Variants in EPM2A observed in about 807,000 individuals in gnomAD.
The protein encoded by EPM2A is laforin.
In EPM2A, 21 loss-of-function variants were observed where a neutral mutation model predicts 26.5. That is an observed-to-expected ratio of 0.79 (90% CI 0.56 to 1.14). The LOEUF is 1.14. EPM2A is among the 50% of genes most tolerant of loss of function. The pLI is 0.00. For synonymous variants in EPM2A, 217 were observed against 177.6 expected, an observed-to-expected ratio of 1.22 and a Z score of -1.76; for missense variants, 458 against 440.8, an observed-to-expected ratio of 1.04 and a Z score of -0.35.
rs974138540 is a variant in EPM2A, at chr6:145,403,570, G to A, written c.556-19473C>T. ...ACTTAACATAATGATCTTTAGTTCC[G>A]TCCATGTTGTTGTAAATGATTAGAT... On this transcript the variant is annotated intron_variant, in intron 4 of 4. Transcript: ENST00000638717. 2.4e-4 allele frequency among the ~76,000 whole-genome samples: 37 copies of A among 152,048 alleles called. 1 individual carries two copies. In the Middle Eastern group the frequency reaches 0.01, roughly 42 times the overall value.
chr6:145,489,094 T>G (rs1217849117), intron 4 of EPM2A, among the ~76,000 whole-genome samples: 1 of 152,178 alleles, frequency 6.6e-6, no homozygotes, highest in Non-Finnish European at 1.5e-5. Context: ...CCCCTCTCTC[T>G]GTTGCAGAGA....
rs188448171 is a variant in EPM2A, at chr6:145,406,972, G to T, written c.556-22875C>A. On this transcript the variant is annotated intron_variant, in intron 4 of 4. Transcript: ENST00000638717. ...CAAACATTTGCCAAAGGAAATAGTGGAGATTAGGCTGTAAGTTCTGTGGGG... is the reference window on the plus strand; with the variant it reads ...CAAACATTTGCCAAAGGAAATAGTGTAGATTAGGCTGTAAGTTCTGTGGGG... Among the ~76,000 whole-genome samples, 12 of 152,260 alleles carry T rather than the reference G, an allele frequency of 7.9e-5. No individual in the cohort carries two copies. In the East Asian group the frequency reaches 1.9e-3, roughly 25 times the overall value.
chr6:145,438,260 G>C (rs919603840), intron 4 of EPM2A, among the ~76,000 whole-genome samples: 3 of 152,084 alleles, frequency 2.0e-5, no homozygotes, highest in Non-Finnish European at 4.4e-5. Flanking sequence ...AAAAGAAGCT[G>C]ATTTGGAGAA....
intron 2 of EPM2A, among the ~76,000 whole-genome samples, chr6:145,661,086 G>A (rs1257079882): frequency 1.3e-5 from 2 of 152,124 alleles, no homozygotes; most frequent in Admixed American, 6.6e-5. Flanking sequence ...ACAAAGTCGG[G>A]TGCGGGTCCG....
rs146340517 is a variant in EPM2A, at chr6:145,545,449, A to G, written c.341-42874T>C. On this transcript the variant is annotated intron_variant, in intron 2 of 3. Transcript: ENST00000450221. ...CATGGCCAAACCTACCATCAAGTACATGAGGAAACATATTCCTCGTAAAAT... is the reference window on the plus strand; with the variant it reads ...CATGGCCAAACCTACCATCAAGTACGTGAGGAAACATATTCCTCGTAAAAT... 3.9e-5 allele frequency among the ~76,000 whole-genome samples: 6 copies of G among 152,318 alleles called. No homozygotes were observed. The East Asian group carries it at 1.2e-3, about 29-fold the overall frequency.
intron 2 of EPM2A, among the ~76,000 whole-genome samples, chr6:145,546,414 A>T (rs1054837286): frequency 2.6e-5 from 4 of 152,122 alleles, no homozygotes; most frequent in African/African-American, 7.2e-5. Flanking sequence ...GCCTGCTCAC[A>T]TCAGTGAGGG....
chr6:145,626,197 AG>A lies in EPM2A; in HGVS notation c.*1218del, dbSNP rs1251571192. 4 of 996,604 alleles carry A rather than the reference AG, an allele frequency of 4.0e-6. No individual in the cohort carries two copies. Among genetic ancestry groups the A allele is most frequent in the Non-Finnish European group, 4.8e-6 (4 of 836,568 alleles). 61.7% of individuals were successfully genotyped at this position (996,604 alleles called of 1,614,324 possible). ...TCCTGCATTACAGTTGGTTGAATGCAGGTCTGTTTCTAGGCAGCACATTTTT... is the reference window on the plus strand; with the variant it reads ...TCCTGCATTACAGTTGGTTGAATGCAGTCTGTTTCTAGGCAGCACATTTTT... On this transcript the variant is annotated 3_prime_UTR_variant, in exon 4 of 4. Transcript: ENST00000367519.
intron 2 of EPM2A, among the ~76,000 whole-genome samples, chr6:145,529,441 A>G (rs1404091280): frequency 1.3e-5 from 2 of 152,198 alleles, no homozygotes; most frequent in Non-Finnish European, 2.9e-5. Context: ...AGCAACCATC[A>G]ACACTGAGGC....
chr6:145,602,915 G>A (rs1781433455), intron 2 of EPM2A, among the ~76,000 whole-genome samples: 1 of 152,178 alleles, frequency 6.6e-6, no homozygotes, highest in African/African-American at 2.4e-5. Context: ...GTTTTGGAAG[G>A]AATCCACGCA....
At chr6:145,547,429 A>C (rs1780597586) in intron 2 of EPM2A, among the ~76,000 whole-genome samples, 1 of 152,118 alleles carries the variant, frequency 6.6e-6, no homozygotes, top group East Asian at 1.9e-4. Context: ...TTCAATCAAA[A>C]ATCCCCAATG....
intron 2 of EPM2A, among the ~76,000 whole-genome samples, chr6:145,554,629 C>A (rs559527968): frequency 6.6e-6 from 1 of 152,162 alleles, no homozygotes; most frequent in East Asian, 1.9e-4. Context: ...GCAGCCAGTT[C>A]TGGCAAGGGC....
rs531330673 is a variant in EPM2A, at chr6:145,735,328, C to T, written c.171G>A (p.Pro57=). ...GCTCCACCTCCCCGAGCCACAGGCC[C>T]GGCTCCTGCAGGGCCAGGGCCCCGT... is the stretch of plus-strand genomic sequence containing the variant. ...AGDGALALQE[P]GLWLGEVELA... Residue 57 remains proline (P), a synonymous_variant, in exon 1 of 4, where the codon CCG becomes CCA. Coordinates refer to ENST00000367519, the MANE Select transcript of EPM2A (RefSeq NM_005670.4). 2 of 1,304,042 alleles carry T rather than the reference C, an allele frequency of 1.5e-6. No homozygotes were observed. The highest frequency in any genetic ancestry group is 4.9e-5 in the East Asian group (1 of 20,568). The allele number at this position is 1,304,042 out of a possible 1,614,324, so 80.8% of individuals were successfully genotyped here.
chr6:145,542,019 G>T (rs559821138), intron 2 of EPM2A, among the ~76,000 whole-genome samples: 92 of 151,694 alleles, frequency 6.1e-4, no homozygotes, highest in Middle Eastern at 3.4e-3. Context: ...AGAATTGTTT[G>T]AAAGGAATTG....
intron 1 of EPM2A, among the ~76,000 whole-genome samples, chr6:145,714,536 A>T (rs562669974): frequency 6.6e-6 from 1 of 152,372 alleles, no homozygotes; most frequent in East Asian, 1.9e-4. Context: ...CATATTTAAG[A>T]AAGATGAATA....
chr6:145,471,718 G>T (rs1779476049), intron 4 of EPM2A, among the ~76,000 whole-genome samples: 1 of 152,168 alleles, frequency 6.6e-6, no homozygotes, highest in Non-Finnish European at 1.5e-5. Flanking sequence ...GCCCTAGTCA[G>T]CAGAGAATCA....
chr6:145,483,428 C>CAA (rs60184181), intron 4 of EPM2A, among the ~76,000 whole-genome samples: 17,112 of 152,026 alleles, frequency 0.11, 2,160 homozygotes, highest in African/African-American at 0.31. Context: ...GAAACTTACT[C>CAA]AGTTTTTTAG....
At chr6:145,629,678 T>C (rs1017746661) in intron 3 of EPM2A, 7 of 152,376 alleles carry the variant, frequency 4.6e-5, no homozygotes, top group African/African-American at 1.4e-4. Flanking sequence ...AGAACTCTGC[T>C]GCTCGAGCTG....
chr6:145,433,498 C>T (rs1344131906), intron 4 of EPM2A, among the ~76,000 whole-genome samples: 1 of 151,918 alleles, frequency 6.6e-6, no homozygotes, highest in Non-Finnish European at 1.5e-5. Context: ...CATCTTCTTC[C>T]CACCTTCTTA....
intron 4 of EPM2A, among the ~76,000 whole-genome samples, chr6:145,405,043 C>T (rs1216856039): frequency 6.6e-6 from 1 of 152,132 alleles, no homozygotes; most frequent in African/African-American, 2.4e-5. Flanking sequence ...TTAAATATGA[C>T]ATTAATGGGC....
Sources: gnomAD v4.1 joint callset for allele counts (sites outside exome capture counted in the v4.1 genomes callset) on GRCh38, gnomAD v4.1.1 for gene constraint, MANE v1.5 for transcripts, NCBI Gene and HGNC (gene_info 2026-07-23, HGNC 2026-07-21) for gene names.